PDE4D: variants seen among roughly 807,000 people sequenced by gnomAD.
PDE4D encodes phosphodiesterase 4D, also known as 3',5'-cyclic-AMP phosphodiesterase 4D.
In PDE4D, 24 loss-of-function variants were observed where a neutral mutation model predicts 87.4. The observed-to-expected ratio is 0.27, with a 90% CI of 0.20 to 0.39. The LOEUF (loss-of-function observed/expected upper bound fraction) is 0.39, where lower values mean the gene tolerates loss of function less well. Among genes scored for constraint, PDE4D ranks in the 10% least tolerant of loss-of-function variants. The probability of loss-of-function intolerance (pLI) is 1.00; values close to 1 mark genes in which losing one functional copy is unlikely to be tolerated. For missense variants in PDE4D, 714 were observed against 1,041.0 expected (o/e 0.69, Z 4.32); for synonymous variants, 384 against 383.2 (o/e 1.00, Z -0.02).
intron 1 of PDE4D, among the ~76,000 whole-genome samples, chr5:60,350,602 C>A (rs2149923591): frequency 6.6e-6 from 1 of 152,218 alleles, no homozygotes; most frequent in Middle Eastern, 3.4e-3. Context: ...CAAATGCAGG[C>A]CCCACCTAAG....
At chr5:60,400,371 A>T (rs978649688) in intron 1 of PDE4D, among the ~76,000 whole-genome samples, 1 of 151,534 alleles carries the variant, frequency 6.6e-6, no homozygotes, top group Non-Finnish European at 1.5e-5. Flanking sequence ...AAATACAAAA[A>T]ATTAGCCAGG....
chr5:60,323,252 T>C (rs556225947), intron 1 of PDE4D, among the ~76,000 whole-genome samples: 18 of 152,302 alleles, frequency 1.2e-4, no homozygotes, highest in Middle Eastern at 3.4e-3. Flanking sequence ...TTGATGTTTC[T>C]TTTCTCCCTC....
At chr5:59,962,889 A>G (rs1029363594) in intron 3 of PDE4D, among the ~76,000 whole-genome samples, 1 of 152,084 alleles carries the variant, frequency 6.6e-6, no homozygotes, top group African/African-American at 2.4e-5. Context: ...TATATTAGTA[A>G]TTGTTATTTT....
At chr5:60,392,775 T>TA (rs1020416044) in intron 1 of PDE4D, among the ~76,000 whole-genome samples, 7 of 151,948 alleles carry the variant, frequency 4.6e-5, no homozygotes, top group African/African-American at 1.4e-4. Flanking sequence ...GAAAGCCATT[T>TA]AAAAAAAAAT....
chr5:60,230,062 C>A (rs1337360902), intron 1 of PDE4D, among the ~76,000 whole-genome samples: 1 of 152,038 alleles, frequency 6.6e-6, no homozygotes, highest in African/African-American at 2.4e-5. Context: ...AAAGAAAGGA[C>A]ACATCAAAAT....
intron 1 of PDE4D, among the ~76,000 whole-genome samples, chr5:60,298,337 G>GA (rs992608849): frequency 5.9e-5 from 9 of 151,968 alleles, no homozygotes; most frequent in South Asian, 2.1e-4. Flanking sequence ...ATTTGGAAGA[G>GA]AAAAAAAATC....
intron 2 of PDE4D, among the ~76,000 whole-genome samples, chr5:60,168,120 G>A (rs1020302659): frequency 6.6e-6 from 1 of 152,138 alleles, no homozygotes; most frequent in Non-Finnish European, 1.5e-5. Flanking sequence ...CTGAGATATA[G>A]ATATTTTCTA....
intron 1 of PDE4D, among the ~76,000 whole-genome samples, chr5:60,435,705 C>G (rs1180812083): frequency 6.6e-6 from 1 of 151,926 alleles, no homozygotes; most frequent in African/African-American, 2.4e-5. Flanking sequence ...TGTCTCTTGA[C>G]TCTCTTTGCT....
intron 5 of PDE4D, among the ~76,000 whole-genome samples, chr5:59,120,343 C>T (rs565903791): frequency 6.6e-6 from 1 of 152,092 alleles, no homozygotes; most frequent in Non-Finnish European, 1.5e-5. Flanking sequence ...CAAGTGGTAG[C>T]CCCATGACGT....
chr5:59,770,951 G>A (rs1763370581), intron 1 of PDE4D, among the ~76,000 whole-genome samples: 1 of 152,042 alleles, frequency 6.6e-6, no homozygotes, highest in Admixed American at 6.6e-5. Flanking sequence ...GGGTAACATA[G>A]CAAGACCCCG....
chr5:59,314,831 C>G (rs531295880), intron 1 of PDE4D: 1 of 152,268 alleles, frequency 6.6e-6, no homozygotes, highest in South Asian at 2.1e-4. Context: ...TTTTAACCTA[C>G]TAGATAAATT....
intron 1 of PDE4D, among the ~76,000 whole-genome samples, chr5:59,872,827 G>GA (rs927280119): frequency 2.6e-5 from 4 of 151,738 alleles, no homozygotes; most frequent in African/African-American, 4.8e-5. Flanking sequence ...TGATCAGTAG[G>GA]AAAAAAAACT....
intron 1 of PDE4D, among the ~76,000 whole-genome samples, chr5:59,535,649 T>C (rs1025499961): frequency 6.6e-6 from 1 of 152,244 alleles, no homozygotes; most frequent in Admixed American, 6.5e-5. Flanking sequence ...CAAAGTAGCA[T>C]AATTTCTTTG....
intron 2 of PDE4D, among the ~76,000 whole-genome samples, chr5:60,092,256 G>A (rs921678416): frequency 1.3e-5 from 2 of 151,992 alleles, no homozygotes; most frequent in Non-Finnish European, 2.9e-5. Context: ...ATCTCATGAA[G>A]GTGGAAAGTA....
chr5:59,462,586 A>G (rs1363128140), intron 1 of PDE4D, among the ~76,000 whole-genome samples: 1 of 152,096 alleles, frequency 6.6e-6, no homozygotes, highest in African/African-American at 2.4e-5. Context: ...AAAATATACC[A>G]CCAGCAACAC....
rs1742448494 is a variant in PDE4D at position 58,970,652 on chromosome 5, A to G, written c.*4012T>C. 6 of 152,200 alleles carry G rather than the reference A, an allele frequency of 3.9e-5. No homozygotes were observed. The South Asian group carries it at 1.0e-3, about 26-fold the overall frequency. The allele number at this position is 152,200 out of a possible 1,614,324, so 9.4% of individuals were successfully genotyped here. ...TTTGCGTTTAAATAGATGGGTTTAC[A>G]TATATGTAAGGACATTTGGTTTATC... On this transcript the variant is annotated 3_prime_UTR_variant, in exon 15 of 15. Transcript: ENST00000340635.
intron 2 of PDE4D, among the ~76,000 whole-genome samples, chr5:60,015,701 C>A (rs1251896325): frequency 6.6e-6 from 1 of 152,058 alleles, no homozygotes; most frequent in Non-Finnish European, 1.5e-5. Flanking sequence ...GGATGGGCCT[C>A]ACTCAAAGAA....
chr5:59,927,616 T>C (rs1755433948), intron 3 of PDE4D, among the ~76,000 whole-genome samples: 2 of 152,242 alleles, frequency 1.3e-5, no homozygotes, highest in African/African-American at 4.8e-5. Flanking sequence ...CTTGGTTTGA[T>C]TCAAGTGCTG....
intron 1 of PDE4D, chr5:59,356,768 T>G (rs1356687971): frequency 6.4e-7 from 1 of 1,572,758 alleles, no homozygotes; most frequent in South Asian, 1.2e-5. Flanking sequence ...CTGTAGGACT[T>G]TGAGAAACGC....
Sources: allele counts gnomAD v4.1 joint callset (sites outside exome capture counted in the v4.1 genomes callset), GRCh38; gene constraint gnomAD v4.1.1; transcripts MANE v1.5; gene names NCBI Gene and HGNC (gene_info 2026-07-23, HGNC 2026-07-21).